The following WWC2 variants were observed in gnomAD, a reference collection of about 807,000 sequenced individuals.
The protein encoded by WWC2 is protein WWC2.
A neutral mutation model predicts 138.5 loss-of-function variants in WWC2; 101 were observed. That is an observed-to-expected ratio of 0.73 (90% confidence interval 0.62 to 0.86). The LOEUF (loss-of-function observed/expected upper bound fraction) is 0.86, where lower values mean the gene tolerates loss of function less well. Among genes scored for constraint, WWC2 ranks in the 40% least tolerant of loss-of-function variants. The pLI is 0.00. For synonymous variants in WWC2, 558 were observed against 538.4 expected (o/e 1.04, Z -0.50); for missense variants, 1,420 against 1,419.4 (o/e 1.00, Z -0.01).
intron 4 of WWC2, among the ~76,000 whole-genome samples, chr4:183,231,239 C>T (rs539702820): frequency 6.8e-6 from 1 of 146,652 alleles, no homozygotes; most frequent in African/African-American, 2.5e-5. Flanking sequence ...AATTATTATT[C>T]CAACAGATAC....
intron 16 of WWC2, among the ~76,000 whole-genome samples, chr4:183,275,700 C>G (rs977016589): frequency 6.6e-6 from 1 of 151,766 alleles, no homozygotes; most frequent in Non-Finnish European, 1.5e-5. Context: ...ACTCAGTTTG[C>G]TAGTATTCCA....
Position 183,265,125 on chromosome 4 carries a change from G to A in WWC2, c.2039+18G>A, listed in dbSNP as rs561123766. On this transcript the variant is annotated intron_variant, in intron 12 of 22. Coordinates refer to ENST00000403733, the MANE Select transcript of WWC2 (RefSeq NM_024949.6). ...GTGAAACAGTAAGGATTCAGCAGGG[G>A]CGCTTTTAGCTCCAGCGAATCTCCA... The A allele has an allele frequency of 5.7e-6, 9 of 1,592,178 alleles. No individual in the cohort carries two copies. The African/African-American group carries it at 8.1e-5, about 14-fold the overall frequency.
chr4:183,100,415 TA>T, intron 1 of WWC2, among the ~76,000 whole-genome samples: 1 of 152,392 alleles, frequency 6.6e-6, no homozygotes, highest in Middle Eastern at 3.4e-3. Context: ...CTGTGTCCCA[TA>T]TTTTTTTTAC....
intron 5 of WWC2, among the ~76,000 whole-genome samples, chr4:183,243,771 G>A (rs1295927046): frequency 6.6e-6 from 1 of 150,964 alleles, no homozygotes; most frequent in Middle Eastern, 3.2e-3. Context: ...GTGTGTGTGT[G>A]TGTGTGTGTG....
At chr4:183,105,782 T>C (rs986382455) in intron 1 of WWC2, among the ~76,000 whole-genome samples, 1 of 151,716 alleles carries the variant, frequency 6.6e-6, no homozygotes, top group Non-Finnish European at 1.5e-5. Flanking sequence ...CCCAGCTACT[T>C]GGGTGGCTGA....
chr4:183,110,118 C>G (rs146437438), intron 1 of WWC2, among the ~76,000 whole-genome samples: 92 of 152,300 alleles, frequency 6.0e-4, no homozygotes, highest in African/African-American at 2.0e-3. Flanking sequence ...GGTGTAGAGA[C>G]AGCTCAACCC....
At chr4:183,293,693 A>T (rs1004540867) in intron 21 of WWC2, among the ~76,000 whole-genome samples, 4 of 152,232 alleles carry the variant, frequency 2.6e-5, no homozygotes, top group African/African-American at 9.6e-5. Flanking sequence ...TGCATGCATT[A>T]AAAAATTTGT....
rs922349131 is a variant in WWC2, at chr4:183,237,381, A to G, written c.523-2802A>G. The stretch of plus-strand genomic sequence containing the variant: ...AAAATGCTGTTCTAAATAGAAATAC[A>G]TGTAGAATGAGCTACTGATTGCTGT... On this transcript the variant is annotated intron_variant, in intron 4 of 22. Transcript: ENST00000403733. 6.1e-4 allele frequency among the ~76,000 whole-genome samples: 93 copies of G among 152,218 alleles called. 1 individual carries two copies. Among genetic ancestry groups the G allele is most frequent in the Non-Finnish European group, 2.2e-4 (15 of 68,026 alleles).
At chr4:183,215,628 A>G (rs1406885467) in intron 4 of WWC2, among the ~76,000 whole-genome samples, 2 of 152,142 alleles carry the variant, frequency 1.3e-5, no homozygotes, top group South Asian at 2.1e-4. Context: ...ACATTTATTG[A>G]TTTTATAATG....
At chr4:183,252,139 T>C (rs1381563871) in intron 8 of WWC2, among the ~76,000 whole-genome samples, 1 of 152,226 alleles carries the variant, frequency 6.6e-6, no homozygotes, top group Non-Finnish European at 1.5e-5. Flanking sequence ...ATAGATCTAC[T>C]TCCATCTTTG....
chr4:183,253,725 T>C lies in WWC2; in HGVS notation c.954-32T>C, dbSNP rs775445918. The stretch of plus-strand genomic sequence containing the variant: ...TTACCTTTCTCAGGAGTTTTAAGTA[T>C]GTGCATACCTCTTCTATCTTTTTTT... On this transcript the variant is annotated intron_variant, in intron 8 of 22. Coordinates refer to ENST00000403733, the MANE Select transcript of WWC2 (RefSeq NM_024949.6). The C allele has an allele frequency of 1.9e-6, 3 of 1,591,710 alleles. No individual in the cohort carries two copies. The East Asian group carries it at 6.7e-5, about 36-fold the overall frequency.
At chr4:183,123,597 T>C (rs899785171) in intron 1 of WWC2, among the ~76,000 whole-genome samples, 2 of 152,138 alleles carry the variant, frequency 1.3e-5, no homozygotes, top group Admixed American at 6.6e-5. Flanking sequence ...CTGAAAGATA[T>C]CTACAGTTCT....
At chr4:183,310,603 T>C (rs368313041) in intron 21 of WWC2, among the ~76,000 whole-genome samples, 178 of 151,862 alleles carry the variant, frequency 1.2e-3, no homozygotes, top group African/African-American at 4.2e-3. Context: ...CAGGCTCAAG[T>C]GATCCTTTCA....
At chr4:183,172,923 A>T (rs1734336421) in intron 1 of WWC2, among the ~76,000 whole-genome samples, 1 of 151,820 alleles carries the variant, frequency 6.6e-6, no homozygotes, top group Non-Finnish European at 1.5e-5. Flanking sequence ...TTTAAACTTG[A>T]TCTTTTAATT....
chr4:183,164,357 C>T (rs6847621), intron 1 of WWC2, among the ~76,000 whole-genome samples: 140 of 960 alleles, frequency 0.15, 7 homozygotes, highest in African/African-American at 0.26. Context: ...ATTATATATA[C>T]ATATATATAT....
chr4:183,180,272 C>T (rs1381951356), intron 1 of WWC2, among the ~76,000 whole-genome samples: 1 of 152,130 alleles, frequency 6.6e-6, no homozygotes, highest in African/African-American at 2.4e-5. Context: ...GTGTCATAGG[C>T]ATCTGCAACG....
intron 1 of WWC2, among the ~76,000 whole-genome samples, chr4:183,134,460 A>G (rs1403529261): frequency 6.6e-6 from 1 of 151,980 alleles, no homozygotes; most frequent in Admixed American, 6.6e-5. Context: ...GTGGAGTTTT[A>G]TTATTTAGTT....
intron 4 of WWC2, among the ~76,000 whole-genome samples, chr4:183,226,312 G>A (rs1027451825): frequency 6.6e-6 from 1 of 151,792 alleles, no homozygotes; most frequent in African/African-American, 2.4e-5. Context: ...TGTCCAGGCT[G>A]GTCACAAACT....
In WWC2 at chr4:183,109,478, G is replaced by C. The variant is rs953078537; in HGVS notation, c.131+9856G>C. On this transcript the variant is annotated intron_variant, in intron 1 of 22. Coordinates refer to ENST00000403733, the MANE Select transcript of WWC2 (RefSeq NM_024949.6). Reference sequence around the variant, plus strand: ...ATTTTTCCACAGAATGGGATTGGAGGAGTTGCGAGGGATGGTTTCAGGCTG... The same window carrying C: ...ATTTTTCCACAGAATGGGATTGGAGCAGTTGCGAGGGATGGTTTCAGGCTG... 2.0e-4 allele frequency among the ~76,000 whole-genome samples: 31 copies of C among 152,316 alleles called. 1 individual carries two copies. Among genetic ancestry groups the C allele is most frequent in the Admixed American group, 1.2e-3 (19 of 15,282 alleles).
Sources: allele counts gnomAD v4.1 joint callset (sites outside exome capture counted in the v4.1 genomes callset), GRCh38; gene constraint gnomAD v4.1.1; transcripts MANE v1.5; gene names NCBI Gene and HGNC (gene_info 2026-07-23, HGNC 2026-07-21).